Variants in ESR1 observed in about 807,000 individuals in gnomAD.
ESR1 encodes estrogen receptor 1, also known as estrogen receptor.
In ESR1, 12 loss-of-function variants were observed where a neutral mutation model predicts 52.7. That is an observed-to-expected ratio of 0.23 (90% CI 0.15 to 0.37). ESR1 has a LOEUF of 0.37. Among genes scored for constraint, ESR1 ranks in the 10% least tolerant of loss-of-function variants. The pLI is 1.00. For missense variants in ESR1, 584 were observed against 779.7 expected, an observed-to-expected ratio of 0.75 and a Z score of 2.99; for synonymous variants, 305 against 316.8, an observed-to-expected ratio of 0.96 and a Z score of 0.39.
chr6:151,879,377 T>C (rs1792399231), intron 2 of ESR1, among the ~76,000 whole-genome samples: 1 of 152,052 alleles, frequency 6.6e-6, no homozygotes, highest in South Asian at 2.1e-4. Flanking sequence ...AACAGATTGG[T>C]GTGGGTTGAG....
chr6:152,036,658 T>A (rs1182262893), intron 5 of ESR1, among the ~76,000 whole-genome samples: 2 of 152,178 alleles, frequency 1.3e-5, no homozygotes, highest in African/African-American at 2.4e-5. Flanking sequence ...TTAGAAATGG[T>A]ATGTTCTGGA....
intron 2 of ESR1, among the ~76,000 whole-genome samples, chr6:151,752,010 C>A (rs1288369614): frequency 6.6e-6 from 1 of 152,162 alleles, no homozygotes; most frequent in African/African-American, 2.4e-5. Flanking sequence ...TGTCTCTATG[C>A]ATTTAAGTGA....
intron 3 of ESR1, among the ~76,000 whole-genome samples, chr6:151,897,293 C>G (rs1420651689): frequency 6.6e-6 from 1 of 152,132 alleles, no homozygotes; most frequent in Non-Finnish European, 1.5e-5. Context: ...AAGTCCCCCA[C>G]TATTATTGTA....
intron 3 of ESR1, among the ~76,000 whole-genome samples, chr6:151,941,591 A>G (rs920018097): frequency 1.3e-5 from 2 of 150,890 alleles, no homozygotes; most frequent in Non-Finnish European, 2.9e-5. Context: ...GTAGAGTCAT[A>G]TAGTACAAGC....
chr6:151,729,547 A>G (rs1782088926), intron 2 of ESR1, among the ~76,000 whole-genome samples: 2 of 152,156 alleles, frequency 1.3e-5, no homozygotes, highest in South Asian at 4.1e-4. Context: ...AGTAGGAATC[A>G]ACTGGAAGTA....
At chr6:151,796,747 C>G (rs913591994) in intron 2 of ESR1, among the ~76,000 whole-genome samples, 30 of 152,150 alleles carry the variant, frequency 2.0e-4, no homozygotes, top group Admixed American at 3.9e-4. Flanking sequence ...GTAAAGAACA[C>G]TAGAAAGGAT....
At chr6:151,980,128 C>T (rs913788647) in intron 4 of ESR1, among the ~76,000 whole-genome samples, 1 of 152,038 alleles carries the variant, frequency 6.6e-6, no homozygotes, top group Non-Finnish European at 1.5e-5. Flanking sequence ...AAAAGTTAGC[C>T]GTTTTGTTGG....
intron 6 of ESR1, among the ~76,000 whole-genome samples, chr6:152,089,354 A>G (rs1354803236): frequency 6.6e-6 from 1 of 152,230 alleles, no homozygotes; most frequent in African/African-American, 2.4e-5. Context: ...CTACATATTT[A>G]CATCCGGTTG....
chr6:152,038,986 A>G (rs2045560335), intron 5 of ESR1, among the ~76,000 whole-genome samples: 1 of 152,198 alleles, frequency 6.6e-6, no homozygotes, highest in Non-Finnish European at 1.5e-5. Flanking sequence ...AAAGGAAGTA[A>G]AATGAAGATA....
intron 1 of ESR1, chr6:151,690,699 C>T (rs1266362491): frequency 6.6e-6 from 1 of 152,116 alleles, no homozygotes; most frequent in Non-Finnish European, 1.5e-5. Flanking sequence ...TTTATTTTTT[C>T]CTTTTTGATA....
chr6:151,812,435 T>C (rs140031631), intron 1 of ESR1, among the ~76,000 whole-genome samples: 259 of 152,316 alleles, frequency 1.7e-3, no homozygotes, highest in African/African-American at 6.1e-3. Flanking sequence ...CTGCAACATT[T>C]GTCTGCAGCC....
intron 5 of ESR1, among the ~76,000 whole-genome samples, chr6:152,035,633 G>A (rs894882256): frequency 6.6e-6 from 1 of 152,120 alleles, no homozygotes; most frequent in African/African-American, 2.4e-5. Flanking sequence ...AAAGTTGAGA[G>A]ATGGGGTAAA....
intron 1 of ESR1, among the ~76,000 whole-genome samples, chr6:151,832,976 A>G (rs1782694639): frequency 6.6e-6 from 1 of 152,188 alleles, no homozygotes; most frequent in Non-Finnish European, 1.5e-5. Flanking sequence ...TATGATGATG[A>G]TAAGGACTCC....
intron 1 of ESR1, among the ~76,000 whole-genome samples, chr6:151,808,743 A>C (rs1583392173): frequency 6.6e-6 from 1 of 152,308 alleles, no homozygotes; most frequent in East Asian, 1.9e-4. Flanking sequence ...TCACTTGGGA[A>C]GGTCTCGCTC....
At chr6:151,782,391 T>C (rs1786629527) in intron 2 of ESR1, among the ~76,000 whole-genome samples, 1 of 152,196 alleles carries the variant, frequency 6.6e-6, no homozygotes, top group South Asian at 2.1e-4. Flanking sequence ...TTAAGAATAG[T>C]ATTATAATTC....
upstream of ESR1, among the ~76,000 whole-genome samples, chr6:151,800,705 C>G (rs543775419): frequency 1.2e-4 from 19 of 152,326 alleles, no homozygotes; most frequent in African/African-American, 4.1e-4. Flanking sequence ...CTGACCAAAA[C>G]AGTTCTCCGC....
upstream of ESR1, among the ~76,000 whole-genome samples, chr6:151,686,689 AAACCAACCAACCAACCAACC>A (rs35551206): frequency 7.9e-6 from 1 of 126,618 alleles, no homozygotes; most frequent in East Asian, 4.1e-4. Context: ...CTCCATCTCA[AAACCAACCAACCAACCAACC>A]AACCAACCAA....
At chr6:151,849,970 C>T in intron 2 of ESR1, among the ~76,000 whole-genome samples, 1 of 66,366 alleles carries the variant, frequency 1.5e-5, no homozygotes, top group Non-Finnish European at 2.8e-5. Flanking sequence ...ACCTAGTTTC[C>T]TAGGGAATTA....
At chr6:151,870,258 A>G (rs1211637169) in intron 2 of ESR1, among the ~76,000 whole-genome samples, 2 of 152,130 alleles carry the variant, frequency 1.3e-5, no homozygotes, top group Non-Finnish European at 2.9e-5. Context: ...TGCATATGCC[A>G]TAATCTACTG....
Sources: allele counts gnomAD v4.1 joint callset (sites outside exome capture counted in the v4.1 genomes callset), GRCh38; gene constraint gnomAD v4.1.1; transcripts MANE v1.5; gene names NCBI Gene and HGNC (gene_info 2026-07-23, HGNC 2026-07-21).